The following EPHA3 variants were observed in gnomAD, a reference collection of about 807,000 sequenced individuals.
EPHA3 encodes the protein ephrin type-A receptor 3.
EPHA3 carries 42 observed loss-of-function variants against 107.1 expected under a neutral mutation model. The observed-to-expected ratio is 0.39, with a 90% CI of 0.31 to 0.51. EPHA3 has a LOEUF of 0.51. Among genes scored for constraint, EPHA3 ranks in the 20% least tolerant of loss-of-function variants. The probability of loss-of-function intolerance (pLI) is 0.78; values close to 1 mark genes in which losing one functional copy is unlikely to be tolerated. For missense variants in EPHA3, 1,183 were observed against 1,211.2 expected (o/e 0.98, Z 0.35); for synonymous variants, 461 against 424.8 (o/e 1.09, Z -1.05).
chr3:89,410,977 G>C (rs1709146397), intron 9 of EPHA3, among the ~76,000 whole-genome samples: 2 of 151,820 alleles, frequency 1.3e-5, no homozygotes, highest in South Asian at 2.1e-4. Context: ...CATATAAGCT[G>C]ATCTGTGAGC....
At position 89,399,451 on chromosome 3, in the gene EPHA3, G is replaced by C. The variant is rs775665893; in HGVS notation, c.1565G>C (p.Arg522Pro). Reference sequence around the variant, plus strand: ...GCCGCTGGATATGGGACGAACAGCCGCAAGTTTGAGTTTGAAACTAGTCCA... The same window carrying C: ...GCCGCTGGATATGGGACGAACAGCCCCAAGTTTGAGTTTGAAACTAGTCCA... ...RTAAGYGTNS[R>P]KFEFETSPDS... is the part of the protein sequence containing the mutation. Residue 522 changes from arginine (R) to proline (P), a missense_variant, in exon 7 of 17, where the codon CGC becomes CCC. Arg to Pro is a moderately radical substitution (Grantham distance 103). Transcript: ENST00000336596. 6.2e-7 allele frequency: 1 copy of C among 1,613,986 alleles called. No individual in the cohort carries two copies.
At chr3:89,333,982 A>G (rs1707345199) in intron 3 of EPHA3, among the ~76,000 whole-genome samples, 1 of 152,206 alleles carries the variant, frequency 6.6e-6, no homozygotes, top group Non-Finnish European at 1.5e-5. Flanking sequence ...TTGTCATTAA[A>G]AGAGAAAATA....
chr3:89,130,211 A>C (rs1420525033), intron 2 of EPHA3, among the ~76,000 whole-genome samples: 1 of 152,148 alleles, frequency 6.6e-6, no homozygotes, highest in Non-Finnish European at 1.5e-5. Context: ...AGCCCCTAAA[A>C]AGAAGAATGA....
At chr3:89,303,615 A>T (rs2107349141) in intron 3 of EPHA3, among the ~76,000 whole-genome samples, 1 of 152,260 alleles carries the variant, frequency 6.6e-6, no homozygotes, top group African/African-American at 2.4e-5. Context: ...AATATGAAAG[A>T]GGCAATTTAG....
In EPHA3 at chr3:89,444,794, G is replaced by T. The variant is rs773373614; in HGVS notation, c.2347-4431G>T. 2.6e-5 allele frequency among the ~76,000 whole-genome samples: 4 copies of T among 151,852 alleles called. No individual in the cohort carries two copies. The South Asian group carries it at 8.3e-4, about 31-fold the overall frequency. On this transcript the variant is annotated intron_variant, in intron 13 of 16. Coordinates refer to ENST00000336596, the MANE Select transcript of EPHA3 (RefSeq NM_005233.6). ...TCTCTTCCTGTTTCCCTCAATGATG[G>T]ATGGCATCATTTACAATATGGTTAG...
chr3:89,132,139 C>T (rs1704219612), intron 2 of EPHA3, among the ~76,000 whole-genome samples: 1 of 152,094 alleles, frequency 6.6e-6, no homozygotes, highest in Non-Finnish European at 1.5e-5. Context: ...TCATTTCCTC[C>T]GTTTGGGCTT....
intron 1 of EPHA3, among the ~76,000 whole-genome samples, chr3:89,124,936 A>G (rs1704061023): frequency 6.6e-6 from 1 of 151,894 alleles, no homozygotes; most frequent in African/African-American, 2.4e-5. Context: ...TTCTCCTTTG[A>G]GTAGAAACCA....
At chr3:89,120,887 T>TA (rs1345413182) in intron 1 of EPHA3, among the ~76,000 whole-genome samples, 6 of 152,184 alleles carry the variant, frequency 3.9e-5, no homozygotes, top group African/African-American at 1.4e-4. Context: ...AATAGGCTGT[T>TA]AAAATACCAC....
At chr3:89,242,631 G>T (rs2107247208) in intron 3 of EPHA3, among the ~76,000 whole-genome samples, 1 of 152,170 alleles carries the variant, frequency 6.6e-6, no homozygotes, top group South Asian at 2.1e-4. Flanking sequence ...TAGAGATGGG[G>T]TTTCACCATG....
chr3:89,423,032 C>A (rs539225196), intron 11 of EPHA3, among the ~76,000 whole-genome samples: 2 of 151,422 alleles, frequency 1.3e-5, no homozygotes, highest in South Asian at 4.1e-4. Flanking sequence ...TTGTTCTTAG[C>A]AAATGTTTGA....
At chr3:89,139,424 T>G (rs1001504710) in intron 2 of EPHA3, among the ~76,000 whole-genome samples, 3 of 151,844 alleles carry the variant, frequency 2.0e-5, no homozygotes, top group African/African-American at 4.8e-5. Flanking sequence ...GTTGGATGGA[T>G]GTACTAGGTA....
chr3:89,264,441 C>T (rs1467697311), intron 3 of EPHA3, among the ~76,000 whole-genome samples: 1 of 152,120 alleles, frequency 6.6e-6, no homozygotes, highest in Non-Finnish European at 1.5e-5. Flanking sequence ...GTTCTCTTCC[C>T]CACCAACTCC....
intron 2 of EPHA3, among the ~76,000 whole-genome samples, chr3:89,153,107 T>A (rs537682009): frequency 8.9e-4 from 136 of 152,244 alleles, no homozygotes; most frequent in Non-Finnish European, 1.2e-3. Context: ...ATGGGCTATG[T>A]ATGCAATAAA....
At chr3:89,140,042 A>G (rs1283112414) in intron 2 of EPHA3, among the ~76,000 whole-genome samples, 2 of 151,820 alleles carry the variant, frequency 1.3e-5, no homozygotes, top group Non-Finnish European at 2.9e-5. Context: ...GTTGTATAGG[A>G]TTATTATTAG....
intron 2 of EPHA3, among the ~76,000 whole-genome samples, chr3:89,148,819 A>T (rs1576184529): frequency 6.6e-6 from 1 of 152,156 alleles, no homozygotes; most frequent in East Asian, 1.9e-4. Context: ...GTCAACTTGC[A>T]CCATCTTCCG....
At chr3:89,329,320 G>A (rs528422975) in intron 3 of EPHA3, among the ~76,000 whole-genome samples, 1 of 152,004 alleles carries the variant, frequency 6.6e-6, no homozygotes, top group African/African-American at 2.4e-5. Flanking sequence ...TAGCAACACT[G>A]AATACAGATG....
At chr3:89,402,337 G>C (rs562916714) in intron 7 of EPHA3, among the ~76,000 whole-genome samples, 3 of 152,148 alleles carry the variant, frequency 2.0e-5, no homozygotes, top group African/African-American at 7.2e-5. Flanking sequence ...AAAAAGGATG[G>C]AAAAATATGA....
chr3:89,417,251 C>T (rs1253829988), intron 10 of EPHA3, among the ~76,000 whole-genome samples: 4 of 151,456 alleles, frequency 2.6e-5, no homozygotes, highest in African/African-American at 9.7e-5. Flanking sequence ...TAAAATCACA[C>T]AGCTAATATG....
At chr3:89,251,277 T>C (rs1035219460) in intron 3 of EPHA3, among the ~76,000 whole-genome samples, 1 of 152,068 alleles carries the variant, frequency 6.6e-6, no homozygotes, top group Non-Finnish European at 1.5e-5. Context: ...CTCTTGAATA[T>C]AAATCTGTGG....
Sources: gnomAD v4.1 joint callset for allele counts (sites outside exome capture counted in the v4.1 genomes callset) on GRCh38, gnomAD v4.1.1 for gene constraint, MANE v1.5 for transcripts, NCBI Gene and HGNC (gene_info 2026-07-23, HGNC 2026-07-21) for gene names.